The following CD34 variants were observed in gnomAD, a reference collection of about 807,000 sequenced individuals.
CD34 encodes the protein CD34 molecule.
CD34 carries 34 observed loss-of-function variants against 40.1 expected under a neutral mutation model. The ratio of observed to expected loss-of-function variants is 0.85; its 90% CI spans 0.65 to 1.13. The LOEUF (loss-of-function observed/expected upper bound fraction) is 1.13. Ranked by LOEUF, CD34 falls within the 50% of genes most tolerant of loss-of-function variation. The pLI is 0.00. For synonymous variants in CD34, 209 were observed against 190.0 expected, an observed-to-expected ratio of 1.10 and a Z score of -0.82; for missense variants, 426 against 466.9, an observed-to-expected ratio of 0.91 and a Z score of 0.81.
At chr1:207,909,760 C>A (rs539751227) in intron 1 of CD34, among the ~76,000 whole-genome samples, 1 of 152,302 alleles carries the variant, frequency 6.6e-6, no homozygotes, top group South Asian at 2.1e-4. Context: ...AATTTTGAAA[C>A]CTCATTGATA....
chr1:207,906,784 C>A (rs1009925742), intron 1 of CD34, among the ~76,000 whole-genome samples: 1 of 151,956 alleles, frequency 6.6e-6, no homozygotes, highest in Non-Finnish European at 1.5e-5. Flanking sequence ...GCAGAGGTTG[C>A]GGTGATCCGA....
rs1292268695 is a variant in CD34, at chr1:207,881,733, A to G, written c.*6005T>C. On this transcript the variant is annotated 3_prime_UTR_variant, in exon 8 of 8. Coordinates refer to ENST00000310833, the MANE Select transcript of CD34 (RefSeq NM_001025109.2). ...TATTAGAGAGATTTACCAAAGTCTA[A>G]AACAATGACACTCTTTTTCCTAATT... 2 of 152,010 alleles carry G rather than the reference A, an allele frequency of 1.3e-5. No homozygotes were observed. The highest frequency in any genetic ancestry group is 4.8e-5 in the African/African-American group (2 of 41,400). The allele number at this position is 152,010 out of a possible 1,614,324, so 9.4% of individuals were successfully genotyped here.
At chr1:207,888,108 G>A in intron 7 of CD34, 185 bp from the exon 8 acceptor site, 1 of 1,613,956 alleles carries the variant, frequency 6.2e-7, no homozygotes, top group South Asian at 1.1e-5. Context: ...GAGTGGTCAG[G>A]GTTCCAGCTC....
At chr1:207,904,108 C>T (rs1327236979) in intron 1 of CD34, among the ~76,000 whole-genome samples, 1 of 152,200 alleles carries the variant, frequency 6.6e-6, no homozygotes, top group Non-Finnish European at 1.5e-5. Context: ...AAATCCTCAG[C>T]GATCCAGAAA....
chr1:207,897,410 C>A, intron 4 of CD34, 83 bp downstream of exon 4: 4 of 1,027,668 alleles, frequency 3.9e-6, no homozygotes, highest in Non-Finnish European at 5.9e-6. Context: ...CCAGTGCAAT[C>A]CAAGAAGGTT....
At chr1:207,910,776 G>A (rs905544307) in intron 1 of CD34, among the ~76,000 whole-genome samples, 5 of 152,190 alleles carry the variant, frequency 3.3e-5, no homozygotes, top group Non-Finnish European at 5.9e-5. Context: ...TTCACACCTC[G>A]GCTAACGCAC....
chr1:207,904,040 A>G (rs1662330242), intron 1 of CD34, among the ~76,000 whole-genome samples: 1 of 152,204 alleles, frequency 6.6e-6, no homozygotes, highest in Non-Finnish European at 1.5e-5. Flanking sequence ...CATTTTGAAA[A>G]TATTTCTACC....
At chr1:207,896,661 T>C (rs1662154231) in intron 4 of CD34, among the ~76,000 whole-genome samples, 1 of 151,946 alleles carries the variant, frequency 6.6e-6, no homozygotes, top group African/African-American at 2.4e-5. Flanking sequence ...AACAAGATGC[T>C]GAGAGATGCA....
Position 207,897,349 on chromosome 1 carries a change from A to G in CD34, c.597+144T>C, listed in dbSNP as rs1464387332. ...CTCTTACTCCCTAAACAGAAAGCTC[A>G]GTATTAAAGGCAGGCTGACCAAGCT... On this transcript the variant is annotated intron_variant, in intron 4 of 7. Coordinates refer to ENST00000310833, the MANE Select transcript of CD34 (RefSeq NM_001025109.2). The G allele has an allele frequency of 7.0e-6, 4 of 573,066 alleles. No individual in the cohort carries two copies. The Admixed American group carries it at 1.1e-4, about 16-fold the overall frequency. The allele number at this position is 573,066 out of a possible 1,614,324, so 35.5% of individuals were successfully genotyped here. A position where few individuals can be genotyped will look rare whatever the true frequency, so the allele number is the denominator to read the frequency against.
intron 1 of CD34, 132 bp downstream of exon 1, chr1:207,910,870 T>A: frequency 1.1e-6 from 1 of 885,512 alleles, no homozygotes; most frequent in Middle Eastern, 3.4e-4. Flanking sequence ...GAAGCAGCTG[T>A]GGGCGGCAGT....
At chr1:207,897,852 T>C (rs948097368) in intron 3 of CD34, among the ~76,000 whole-genome samples, 18 of 152,190 alleles carry the variant, frequency 1.2e-4, no homozygotes, top group Admixed American at 2.6e-4. Context: ...CTGGCTTGGA[T>C]GGTGCAGGAC....
At chr1:207,889,329 C>G in intron 5 of CD34, 116 bp from the exon 6 acceptor site, 1 of 1,558,846 alleles carries the variant, frequency 6.4e-7, no homozygotes, top group Non-Finnish European at 8.7e-7. Flanking sequence ...CTCGGGGGGA[C>G]CGCTCCCAAA....
At chr1:207,898,831 A>C in intron 3 of CD34, 142 bp downstream of exon 3, 1 of 887,032 alleles carries the variant, frequency 1.1e-6, no homozygotes, top group Non-Finnish European at 1.8e-6. Context: ...AGCAATATTT[A>C]AACTGTGTAT....
intron 1 of CD34, among the ~76,000 whole-genome samples, chr1:207,902,014 A>G (rs558092629): frequency 3.3e-5 from 5 of 152,324 alleles, no homozygotes; most frequent in Non-Finnish European, 5.9e-5. Flanking sequence ...CTTCACGGCC[A>G]TCAACCTGGG....
chr1:207,903,797 C>A (rs1010964894), intron 1 of CD34, among the ~76,000 whole-genome samples: 8 of 152,156 alleles, frequency 5.3e-5, no homozygotes, highest in Non-Finnish European at 1.2e-4. Flanking sequence ...TAAGGAGAAG[C>A]AACAGCTGAA....
At position 207,908,643 on chromosome 1, in the gene CD34, A is replaced by G. The variant is rs145369184; in HGVS notation, c.79+2359T>C. ...GGACAGGCCTTGGAAAGCTTGGAGG[A>G]AATAGATACCCTGAGCCTGACAAAG... is the stretch of plus-strand genomic sequence containing the variant. On this transcript the variant is annotated intron_variant, in intron 1 of 7. Coordinates refer to ENST00000310833, the MANE Select transcript of CD34 (RefSeq NM_001025109.2). 4.8e-3 allele frequency among the ~76,000 whole-genome samples: 731 copies of G among 152,284 alleles called. 10 individuals carry two copies. Among genetic ancestry groups the G allele is most frequent in the Admixed American group, 0.022 (336 of 15,294 alleles).
Position 207,911,015 on chromosome 1 carries a change from C to T in CD34, c.66G>A (p.Leu22=). The change falls in exon 1 of 8, where the codon TTG becomes TTA. Residue 22 remains leucine, a synonymous_variant. Transcript: ENST00000310833. ...GGCGGTACTCACGCAGCAAACTCAGCAAGCAAAGCGCGGTCCAGCCCCGCG... is the reference window on the plus strand; with the variant it reads ...GGCGGTACTCACGCAGCAAACTCAGTAAGCAAAGCGCGGTCCAGCCCCGCG... The part of the protein sequence containing the change: ...RMPRGWTALC[L]LSLLPSGFMS... 1 of 1,591,420 alleles carries T rather than the reference C, an allele frequency of 6.3e-7. No homozygotes were observed.
Position 207,882,134 on chromosome 1 carries a change from A to G in CD34, c.*5604T>C, listed in dbSNP as rs890321616. 10 of 152,254 alleles carry G rather than the reference A, an allele frequency of 6.6e-5. No homozygotes were observed. Among genetic ancestry groups the G allele is most frequent in the East Asian group, 1.9e-4 (1 of 5,206 alleles). The allele number at this position is 152,254 out of a possible 1,614,324, so 9.4% of individuals were successfully genotyped here. A position where few individuals can be genotyped will look rare whatever the true frequency, so the allele number is the denominator to read the frequency against. On this transcript the variant is annotated 3_prime_UTR_variant, in exon 8 of 8. Transcript: ENST00000310833. The stretch of plus-strand genomic sequence containing the variant: ...ACTCTAAAAACCCTGGACATTATAT[A>G]TAAGTCAAACATAGGGAGACTCCGA...
chr1:207,887,819 A>G lies in CD34; in HGVS notation c.1077T>C (p.Ala359=). 2.5e-6 allele frequency: 4 copies of G among 1,614,104 alleles called. No individual in the cohort carries two copies. Among genetic ancestry groups the G allele is most frequent in the Non-Finnish European group, 3.4e-6 (4 of 1,180,016 alleles). ...TGGCCTGGCCGGTCCCGTTTTCCTGAGCCCCTCGGTTCACACTGGCCTTTC... is the reference window on the plus strand; with the variant it reads ...TGGCCTGGCCGGTCCCGTTTTCCTGGGCCCCTCGGTTCACACTGGCCTTTC... ...AQGKASVNRG[A]QENGTGQATS... Residue 359 remains alanine (A), a synonymous_variant, in exon 8 of 8, where the codon GCT becomes GCC. Coordinates refer to ENST00000310833, the MANE Select transcript of CD34 (RefSeq NM_001025109.2).
Sources: allele counts gnomAD v4.1 joint callset (sites outside exome capture counted in the v4.1 genomes callset), GRCh38; gene constraint gnomAD v4.1.1; transcripts MANE v1.5; gene names NCBI Gene and HGNC (gene_info 2026-07-23, HGNC 2026-07-21).